TAS2R1: variants seen among roughly 807,000 people sequenced by gnomAD.
TAS2R1 encodes taste receptor type 2 member 1.
For synonymous variants in TAS2R1, 141 were observed against 134.2 expected (o/e 1.05, Z -0.35); for missense variants, 370 against 353.4 (o/e 1.05, Z -0.38).
the TAS2R1 span, among the ~76,000 whole-genome samples, chr5:9,762,188 G>A: frequency 6.6e-6 from 1 of 152,132 alleles, no homozygotes; most frequent in African/African-American, 2.4e-5. Flanking sequence ...GATGGAAGCC[G>A]CTAAGGGTAG....
the TAS2R1 span, among the ~76,000 whole-genome samples, chr5:9,848,272 T>C: frequency 6.6e-6 from 1 of 152,212 alleles, no homozygotes; most frequent in African/African-American, 2.4e-5. Context: ...TTTGTAACTC[T>C]TCATCATCAT....
chr5:9,772,187 T>A, the TAS2R1 span, among the ~76,000 whole-genome samples: 331 of 152,180 alleles, frequency 2.2e-3, 1 homozygote, highest in South Asian at 8.7e-3. Context: ...ATCCCATAGG[T>A]TTTGGTACGT....
chr5:9,833,139 C>A, the TAS2R1 span, among the ~76,000 whole-genome samples: 4 of 152,304 alleles, frequency 2.6e-5, no homozygotes, highest in African/African-American at 9.6e-5. Flanking sequence ...ATCACATAAA[C>A]AGCAGGGCAG....
the TAS2R1 span, among the ~76,000 whole-genome samples, chr5:9,772,916 T>C: frequency 6.6e-6 from 1 of 152,090 alleles, no homozygotes; most frequent in Non-Finnish European, 1.5e-5. Context: ...TTGTAGACAG[T>C]AGGGCATTGG....
chr5:9,674,273 A>G (rs1740826680), intron 1 of TAS2R1, among the ~76,000 whole-genome samples: 1 of 152,210 alleles, frequency 6.6e-6, no homozygotes, highest in South Asian at 2.1e-4. Flanking sequence ...ATGATAGTAT[A>G]TTATGAAATA....
At chr5:9,640,966 G>T (rs1315371875) in intron 2 of TAS2R1, among the ~76,000 whole-genome samples, 1 of 152,156 alleles carries the variant, frequency 6.6e-6, no homozygotes, top group East Asian at 1.9e-4. Flanking sequence ...CCTGTTTGCT[G>T]TCATATTGCC....
chr5:9,761,431 A>G, the TAS2R1 span, among the ~76,000 whole-genome samples: 2 of 151,978 alleles, frequency 1.3e-5, no homozygotes, highest in African/African-American at 4.8e-5. Flanking sequence ...AAAAAAAAGT[A>G]CAGTTAGATG....
the TAS2R1 span, among the ~76,000 whole-genome samples, chr5:9,747,633 A>G: frequency 6.6e-6 from 1 of 152,018 alleles, no homozygotes; most frequent in African/African-American, 2.4e-5. Context: ...TGACCCAAAC[A>G]CCTCCCATTA....
At chr5:9,635,393 T>C (rs1298083882) in intron 2 of TAS2R1, among the ~76,000 whole-genome samples, 1 of 152,132 alleles carries the variant, frequency 6.6e-6, no homozygotes, top group Non-Finnish European at 1.5e-5. Context: ...TCAGGGATAT[T>C]GGTCTGTAGT....
the TAS2R1 span, chr5:9,765,507 A>T: frequency 6.6e-6 from 1 of 152,208 alleles, no homozygotes; most frequent in African/African-American, 2.4e-5. Flanking sequence ...AAAAAAAAAA[A>T]AATCCACGAA....
chr5:9,849,367 T>C, the TAS2R1 span, among the ~76,000 whole-genome samples: 1 of 152,376 alleles, frequency 6.6e-6, no homozygotes, highest in East Asian at 1.9e-4. Flanking sequence ...AGACCAAGCA[T>C]GTTTCCATGC....
chr5:9,775,767 C>A, the TAS2R1 span, among the ~76,000 whole-genome samples: 13 of 151,910 alleles, frequency 8.6e-5, no homozygotes, highest in African/African-American at 2.9e-4. Flanking sequence ...GGCCTCAGGA[C>A]TCTGTTGGGT....
chr5:9,900,167 C>T, the TAS2R1 span, among the ~76,000 whole-genome samples: 1 of 152,166 alleles, frequency 6.6e-6, no homozygotes, highest in African/African-American at 2.4e-5. Context: ...TAGTTTTATA[C>T]ACAAGCTTCA....
chr5:9,708,442 T>C (rs1321335851), intron 1 of TAS2R1, among the ~76,000 whole-genome samples: 1 of 152,138 alleles, frequency 6.6e-6, no homozygotes, highest in African/African-American at 2.4e-5. Context: ...ATAAAGGGAG[T>C]AAAAGAAAAT....
chr5:9,785,810 A>T, the TAS2R1 span, among the ~76,000 whole-genome samples: 5 of 152,202 alleles, frequency 3.3e-5, no homozygotes, highest in African/African-American at 1.2e-4. Flanking sequence ...CCCTGAACTA[A>T]CAACCTCCCA....
At chr5:9,797,993 G>T in the TAS2R1 span, among the ~76,000 whole-genome samples, 29 of 152,180 alleles carry the variant, frequency 1.9e-4, no homozygotes, top group African/African-American at 6.0e-4. Flanking sequence ...AAACAATCGG[G>T]ATACCCATCA....
At chr5:9,713,439 T>C (rs567630745), upstream of TAS2R1, among the ~76,000 whole-genome samples, 16 of 152,170 alleles carry the variant, frequency 1.1e-4, no homozygotes, top group East Asian at 2.1e-3. Flanking sequence ...CTTTTGCAAA[T>C]GCGTCTTCTG....
chr5:9,785,828 C>A, the TAS2R1 span, among the ~76,000 whole-genome samples: 13 of 152,206 alleles, frequency 8.5e-5, no homozygotes, highest in Non-Finnish European at 1.9e-4. Context: ...CCACACCCAT[C>A]ACTCTCTGCC....
chr5:9,746,210 A>G, the TAS2R1 span, among the ~76,000 whole-genome samples: 1 of 152,230 alleles, frequency 6.6e-6, no homozygotes, highest in Admixed American at 6.5e-5. Context: ...TCAAAACCAC[A>G]ATGAGATACC....
Sources: allele counts gnomAD v4.1 joint callset (sites outside exome capture counted in the v4.1 genomes callset), GRCh38; gene constraint gnomAD v4.1.1; transcripts MANE v1.5; gene names NCBI Gene and HGNC (gene_info 2026-07-23, HGNC 2026-07-21).